RBPJ: variants seen among roughly 807,000 people sequenced by gnomAD.
RBPJ encodes recombining binding protein suppressor of hairless.
Under a neutral mutation model 67.8 loss-of-function variants are expected in RBPJ, and 9 were observed. The ratio of observed to expected loss-of-function variants is 0.13; its 90% CI spans 0.08 to 0.23. The LOEUF (loss-of-function observed/expected upper bound fraction) is 0.23. Ranked by LOEUF, RBPJ falls within the 10% of genes least tolerant of loss-of-function variation. The pLI is 1.00. For missense variants in RBPJ, 305 were observed against 595.6 expected (o/e 0.51, Z 5.08); for synonymous variants, 198 against 203.3 (o/e 0.97, Z 0.22).
chr4:26,372,795 C>A (rs1729299338), intron 1 of RBPJ, among the ~76,000 whole-genome samples: 1 of 152,186 alleles, frequency 6.6e-6, no homozygotes, highest in African/African-American at 2.4e-5. Context: ...TGTAGTATTA[C>A]CCAAGGCAAA....
chr4:26,229,896 A>C (rs1719215311), intron 1 of RBPJ, among the ~76,000 whole-genome samples: 1 of 152,172 alleles, frequency 6.6e-6, no homozygotes, highest in Non-Finnish European at 1.5e-5. Flanking sequence ...TTGATTAAAA[A>C]TTCAGTCATC....
chr4:26,387,538 G>T (rs755319268), intron 2 of RBPJ, among the ~76,000 whole-genome samples: 1 of 152,164 alleles, frequency 6.6e-6, no homozygotes, highest in Non-Finnish European at 1.5e-5. Flanking sequence ...CGTTTTCCAG[G>T]TATTGAACAT....
At chr4:26,247,981 T>C (rs896932624) in intron 1 of RBPJ, among the ~76,000 whole-genome samples, 1 of 152,032 alleles carries the variant, frequency 6.6e-6, no homozygotes, top group Non-Finnish European at 1.5e-5. Context: ...ATGTACGCTG[T>C]GAATCTAAAA....
chr4:26,393,165 T>C (rs928371397), intron 2 of RBPJ, among the ~76,000 whole-genome samples: 1 of 151,944 alleles, frequency 6.6e-6, no homozygotes, highest in African/African-American at 2.4e-5. Context: ...GTTTTATTTC[T>C]TTTTAAATCT....
At chr4:26,387,257 C>A (rs1347863930) in intron 2 of RBPJ, among the ~76,000 whole-genome samples, 1 of 151,912 alleles carries the variant, frequency 6.6e-6, no homozygotes, top group Non-Finnish European at 1.5e-5. Context: ...CGATGGGGAC[C>A]TACAGAAGGA....
At chr4:26,412,381 G>A (rs1317842203) in intron 3 of RBPJ, among the ~76,000 whole-genome samples, 2 of 151,956 alleles carry the variant, frequency 1.3e-5, no homozygotes, top group African/African-American at 2.4e-5. Context: ...ACAGGCGTGC[G>A]CCACCATGCC....
the RBPJ span, among the ~76,000 whole-genome samples, chr4:26,136,212 T>C: frequency 6.6e-6 from 1 of 152,182 alleles, no homozygotes; most frequent in Non-Finnish European, 1.5e-5. Flanking sequence ...AGGTGAGATT[T>C]GGGTGGGGAC....
chr4:26,291,270 C>T (rs1471773016), intron 1 of RBPJ, among the ~76,000 whole-genome samples: 1 of 150,972 alleles, frequency 6.6e-6, no homozygotes, highest in Non-Finnish European at 1.5e-5. Context: ...GGTCTATTCA[C>T]AACAGGATAT....
chr4:26,285,675 C>G (rs185983329), intron 1 of RBPJ, among the ~76,000 whole-genome samples: 1 of 87,704 alleles, frequency 1.1e-5, no homozygotes, highest in Admixed American at 1.4e-4. Flanking sequence ...GATACTGATA[C>G]GTTAAAAAAA....
the RBPJ span, among the ~76,000 whole-genome samples, chr4:26,146,988 C>T: frequency 1.5e-3 from 235 of 152,290 alleles, no homozygotes; most frequent in African/African-American, 5.1e-3. Flanking sequence ...ACAACGGCTC[C>T]GTCAAAGTAG....
the RBPJ span, among the ~76,000 whole-genome samples, chr4:26,145,565 A>G: frequency 1.2e-4 from 18 of 152,328 alleles, no homozygotes; most frequent in South Asian, 2.1e-3. Context: ...AGCTCTTTAG[A>G]GGCAGGGACA....
chr4:26,407,808 T>A (rs1485624195), intron 3 of RBPJ, among the ~76,000 whole-genome samples: 1 of 151,812 alleles, frequency 6.6e-6, no homozygotes, highest in Non-Finnish European at 1.5e-5. Flanking sequence ...TTAATTTACA[T>A]GTTAAAAGAG....
rs1026118433 is a variant in RBPJ at position 26,367,133 on chromosome 4, A to T, written c.21-19220A>T. ...TTGTGAGACTCTGTTTCAAAAAAAT[A>T]AATTAATTAATAAAATAAAAAGAAA... is the stretch of plus-strand genomic sequence containing the variant. On this transcript the variant is annotated intron_variant, in intron 1 of 10. Coordinates refer to ENST00000355476, the MANE Select transcript of RBPJ (RefSeq NM_015874.6). 9.9e-5 allele frequency among the ~76,000 whole-genome samples: 15 copies of T among 151,912 alleles called. 1 individual carries two copies. The highest frequency in any genetic ancestry group is 3.6e-4 in the African/African-American group (15 of 41,346).
intron 1 of RBPJ, among the ~76,000 whole-genome samples, chr4:26,274,942 A>G (rs1481747937): frequency 6.6e-6 from 1 of 152,200 alleles, no homozygotes; most frequent in Non-Finnish European, 1.5e-5. Context: ...GTCTCAAAAA[A>G]ACAAAAAAAG....
intron 1 of RBPJ, among the ~76,000 whole-genome samples, chr4:26,172,808 G>T (rs1387873710): frequency 6.6e-6 from 1 of 152,182 alleles, no homozygotes; most frequent in Non-Finnish European, 1.5e-5. Context: ...CTGAGGTTGA[G>T]AGAAGTCATG....
chr4:26,395,165 C>CTTCACCTTAAGGTGAAGGT (rs1471391111), intron 2 of RBPJ, among the ~76,000 whole-genome samples: 2 of 152,112 alleles, frequency 1.3e-5, no homozygotes, highest in Non-Finnish European at 2.9e-5. Context: ...GGTTAAGAAA[C>CTTCACCTTAAGGTGAAGGT]TAAGCTCCAG....
chr4:26,219,216 A>G (rs1718820979), intron 1 of RBPJ, among the ~76,000 whole-genome samples: 1 of 152,222 alleles, frequency 6.6e-6, no homozygotes, highest in Non-Finnish European at 1.5e-5. Context: ...TTATGTCACC[A>G]GAGGAAGCTC....
At chr4:26,283,705 A>G (rs1721361009) in intron 1 of RBPJ, among the ~76,000 whole-genome samples, 1 of 146,886 alleles carries the variant, frequency 6.8e-6, no homozygotes, top group Admixed American at 6.8e-5. Context: ...GGAGTGCCAT[A>G]GCATGATCTC....
At chr4:26,359,859 C>T (rs571708323) in intron 1 of RBPJ, 1 of 152,346 alleles carries the variant, frequency 6.6e-6, no homozygotes, top group Admixed American at 6.5e-5. Context: ...TAGTTATTGG[C>T]ATCTGTTTCT....
Sources: gnomAD v4.1 joint callset for allele counts (sites outside exome capture counted in the v4.1 genomes callset) on GRCh38, gnomAD v4.1.1 for gene constraint, MANE v1.5 for transcripts, NCBI Gene and HGNC (gene_info 2026-07-23, HGNC 2026-07-21) for gene names.